Variants in SGMS1 observed in about 807,000 individuals in gnomAD.
SGMS1 encodes sphingomyelin synthase 1, also known as phosphatidylcholine:ceramide cholinephosphotransferase 1.
In SGMS1, 13 loss-of-function variants were observed where a neutral mutation model predicts 46.2. The observed-to-expected ratio is 0.28, with a 90% CI of 0.18 to 0.45. The LOEUF is 0.45. SGMS1 is among the 20% of genes least tolerant of loss of function. The probability of loss-of-function intolerance (pLI) is 1.00; values close to 1 mark genes in which losing one functional copy is unlikely to be tolerated. For missense variants in SGMS1, 324 were observed against 519.9 expected, an observed-to-expected ratio of 0.62 and a Z score of 3.66; for synonymous variants, 203 against 187.8, an observed-to-expected ratio of 1.08 and a Z score of -0.66.
At chr10:50,402,256 T>C (rs1293670007) in intron 6 of SGMS1, among the ~76,000 whole-genome samples, 1 of 152,250 alleles carries the variant, frequency 6.6e-6, no homozygotes, top group Admixed American at 6.5e-5. Context: ...ATTTTTGCAT[T>C]GAATGCCACT....
At chr10:50,487,748 T>A (rs1322759068) in intron 3 of SGMS1, among the ~76,000 whole-genome samples, 1 of 152,034 alleles carries the variant, frequency 6.6e-6, no homozygotes, top group Non-Finnish European at 1.5e-5. Context: ...TCACTTCCAT[T>A]TTTTGAGAGA....
At chr10:50,520,381 C>CAA (rs143925495) in intron 2 of SGMS1, among the ~76,000 whole-genome samples, 17,979 of 147,412 alleles carry the variant, frequency 0.12, 1,164 homozygotes, top group Middle Eastern at 0.22. Context: ...GACCCCATCT[C>CAA]AAAAAAAAAA....
chr10:50,469,829 G>A (rs1837363218), intron 3 of SGMS1, among the ~76,000 whole-genome samples: 1 of 152,122 alleles, frequency 6.6e-6, no homozygotes, highest in South Asian at 2.1e-4. Context: ...AAAAGGAATG[G>A]GCATATGAAC....
intron 3 of SGMS1, among the ~76,000 whole-genome samples, chr10:50,485,904 AC>A (rs1837517461): frequency 6.6e-6 from 1 of 152,144 alleles, no homozygotes; most frequent in South Asian, 2.1e-4. Flanking sequence ...TGTCTCAAAA[AC>A]AAAAAACAAG....
intron 6 of SGMS1, among the ~76,000 whole-genome samples, chr10:50,367,661 A>C (rs1355060471): frequency 6.6e-6 from 1 of 152,182 alleles, no homozygotes; most frequent in Non-Finnish European, 1.5e-5. Flanking sequence ...CCTGACAGCA[A>C]TTACGTTAAT....
chr10:50,554,945 T>G (rs1838178161), intron 2 of SGMS1, among the ~76,000 whole-genome samples: 1 of 152,222 alleles, frequency 6.6e-6, no homozygotes, highest in Admixed American at 6.5e-5. Context: ...ATTTCAATGC[T>G]GGGAGATGCC....
chr10:50,430,545 T>C (rs920544902), intron 6 of SGMS1, among the ~76,000 whole-genome samples: 2 of 151,746 alleles, frequency 1.3e-5, no homozygotes, highest in African/African-American at 2.4e-5. Flanking sequence ...TGCAAAATAG[T>C]TTTTGCATTC....
chr10:50,540,477 A>G (rs919826412), intron 2 of SGMS1, among the ~76,000 whole-genome samples: 2 of 152,238 alleles, frequency 1.3e-5, no homozygotes, highest in African/African-American at 2.4e-5. Flanking sequence ...ACTATATGCC[A>G]GCCACTAGAC....
Position 50,383,441 on chromosome 10 carries a change from T to C in SGMS1, c.-231-39096A>G, listed in dbSNP as rs555839515. 1.2e-4 allele frequency among the ~76,000 whole-genome samples: 18 copies of C among 152,302 alleles called. No homozygotes were observed. The East Asian group carries it at 2.1e-3, about 18-fold the overall frequency. Reference sequence around the variant, plus strand: ...TCTTTTCAAACTATCAATCTTTTAATAATATAAAACAAAAAGATGGCTTTC... The same window carrying C: ...TCTTTTCAAACTATCAATCTTTTAACAATATAAAACAAAAAGATGGCTTTC... On this transcript the variant is annotated intron_variant, in intron 6 of 10. Transcript: ENST00000361781.
chr10:50,367,691 A>C (rs10508927), intron 6 of SGMS1, among the ~76,000 whole-genome samples: 20 of 152,304 alleles, frequency 1.3e-4, no homozygotes, highest in Non-Finnish European at 2.8e-4. Context: ...ACAAATATCC[A>C]TCAATCAATT....
chr10:50,618,561 A>G (rs1453059994), intron 1 of SGMS1, among the ~76,000 whole-genome samples: 1 of 152,240 alleles, frequency 6.6e-6, no homozygotes, highest in Non-Finnish European at 1.5e-5. Flanking sequence ...ATAAGTTCAC[A>G]AAAAGAAAAC....
At chr10:50,356,849 T>C (rs1166239030) in intron 6 of SGMS1, among the ~76,000 whole-genome samples, 5 of 151,858 alleles carry the variant, frequency 3.3e-5, no homozygotes, top group Non-Finnish European at 7.4e-5. Context: ...TTCTCACTCA[T>C]AGGTGGGAAT....
At chr10:50,455,745 T>G (rs1837182882) in intron 5 of SGMS1, among the ~76,000 whole-genome samples, 1 of 152,172 alleles carries the variant, frequency 6.6e-6, no homozygotes, top group African/African-American at 2.4e-5. Flanking sequence ...ACTGTCTGGC[T>G]GAATTTCATA....
chr10:50,612,204 G>A (rs1838756430), intron 1 of SGMS1, among the ~76,000 whole-genome samples: 1 of 152,324 alleles, frequency 6.6e-6, no homozygotes, highest in Admixed American at 6.5e-5. Context: ...CTTAGCTGAG[G>A]ATCCTCCACC....
intron 2 of SGMS1, among the ~76,000 whole-genome samples, chr10:50,522,939 T>C (rs1372755280): frequency 6.6e-6 from 1 of 152,112 alleles, no homozygotes; most frequent in African/African-American, 2.4e-5. Context: ...CATACAAATC[T>C]CAGCCACTTC....
chr10:50,548,504 C>T (rs969781087), intron 2 of SGMS1, among the ~76,000 whole-genome samples: 5 of 152,126 alleles, frequency 3.3e-5, no homozygotes, highest in African/African-American at 1.2e-4. Context: ...AACTGGCTAG[C>T]CATATGCAGA....
chr10:50,487,322 G>A (rs934642279), intron 3 of SGMS1, among the ~76,000 whole-genome samples: 3 of 152,158 alleles, frequency 2.0e-5, no homozygotes, highest in African/African-American at 7.2e-5. Flanking sequence ...AGCACACACA[G>A]GGTCTGTCAG....
chr10:50,569,697 A>T lies in SGMS1; in HGVS notation c.-589+20456T>A, dbSNP rs550706014. 3.9e-5 allele frequency among the ~76,000 whole-genome samples: 6 copies of T among 152,340 alleles called. No homozygotes were observed. In the South Asian group the frequency reaches 1.2e-3, roughly 32 times the overall value. ...AATTTCCCCCAAACAAATAATTTTTAAAAATTTTTAAAGAAAAACAAAGTT... is the reference window on the plus strand; with the variant it reads ...AATTTCCCCCAAACAAATAATTTTTTAAAATTTTTAAAGAAAAACAAAGTT... On this transcript the variant is annotated intron_variant, in intron 2 of 10. Transcript: ENST00000361781.
chr10:50,493,240 G>A (rs1837581764), intron 3 of SGMS1, among the ~76,000 whole-genome samples: 1 of 152,128 alleles, frequency 6.6e-6, no homozygotes, highest in Admixed American at 6.5e-5. Flanking sequence ...TCAATAAATG[G>A]TGCTGGGATA....
Sources: gnomAD v4.1 joint callset for allele counts (sites outside exome capture counted in the v4.1 genomes callset) on GRCh38, gnomAD v4.1.1 for gene constraint, MANE v1.5 for transcripts, NCBI Gene and HGNC (gene_info 2026-07-23, HGNC 2026-07-21) for gene names.